Variants in CDCA7L observed in about 807,000 individuals in gnomAD.
The protein encoded by CDCA7L is cell division cycle-associated 7-like protein.
CDCA7L carries 44 observed loss-of-function variants against 57.4 expected under a neutral mutation model. The ratio of observed to expected loss-of-function variants is 0.77; its 90% CI spans 0.60 to 0.98. The LOEUF is 0.98. Ranked by LOEUF, CDCA7L falls within the 50% of genes least tolerant of loss-of-function variation. The probability of loss-of-function intolerance (pLI) is 0.00; values close to 1 mark genes in which losing one functional copy is unlikely to be tolerated. For synonymous variants in CDCA7L, 236 were observed against 202.8 expected, an observed-to-expected ratio of 1.16 and a Z score of -1.39; for missense variants, 644 against 580.6, an observed-to-expected ratio of 1.11 and a Z score of -1.12.
At position 21,911,559 on chromosome 7, in the gene CDCA7L, T is replaced by C. The variant is rs1041974819; in HGVS notation, c.303+58A>G. On this transcript the variant is annotated intron_variant, in intron 3 of 9. Transcript: ENST00000406877. ...AAGTGACTGCTTACAAGTAAAACTC[T>C]TTCAGAAACAGGATTAAAAACGTTA... 8.4e-5 allele frequency: 130 copies of C among 1,541,720 alleles called. No individual in the cohort carries two copies. The East Asian group carries it at 3.0e-3, about 35-fold the overall frequency.
chr7:21,925,804 T>C (rs1039360780), intron 1 of CDCA7L, among the ~76,000 whole-genome samples: 1 of 152,134 alleles, frequency 6.6e-6, no homozygotes, highest in Admixed American at 6.5e-5. Flanking sequence ...GGAGGATTGA[T>C]TGAGCCCAGG....
At position 21,945,896 on chromosome 7, in the gene CDCA7L, G is replaced by C. The variant is rs1044222050; in HGVS notation, c.-92C>G. 2.1e-5 allele frequency: 30 copies of C among 1,402,010 alleles called. No homozygotes were observed. Among genetic ancestry groups the C allele is most frequent in the African/African-American group, 2.1e-4 (14 of 66,268 alleles). The allele number at this position is 1,402,010 out of a possible 1,614,324, so 86.8% of individuals were successfully genotyped here. On this transcript the variant is annotated 5_prime_UTR_variant, in exon 1 of 10. Coordinates refer to ENST00000406877, the MANE Select transcript of CDCA7L (RefSeq NM_018719.5). ...GGCGCACCAAGAACGCCCCGCGCCC[G>C]AGCAGCTAGCGCGCTCCGCCCGGAG...
intron 3 of CDCA7L, among the ~76,000 whole-genome samples, chr7:21,910,910 A>T (rs1312475089): frequency 6.6e-6 from 1 of 152,058 alleles, no homozygotes. Context: ...TTCAAACCAA[A>T]AACTGTCACT....
chr7:21,902,435 TAAGAGTACA>T, intron 9 of CDCA7L, 83 bp from the exon 10 acceptor site: 1 of 1,352,156 alleles, frequency 7.4e-7, no homozygotes. Context: ...CACAATCATC[TAAGAGTACA>T]AAGCCAGAAC....
At chr7:21,936,717 G>T (rs375219022) in intron 1 of CDCA7L, among the ~76,000 whole-genome samples, 4 of 152,062 alleles carry the variant, frequency 2.6e-5, no homozygotes, top group Non-Finnish European at 5.9e-5. Flanking sequence ...ACTCAATGAT[G>T]AATGGAAGAT....
intron 1 of CDCA7L, among the ~76,000 whole-genome samples, chr7:21,919,074 T>G (rs1236883708): frequency 6.6e-6 from 1 of 152,098 alleles, no homozygotes; most frequent in South Asian, 2.1e-4. Context: ...CACCTCAGCC[T>G]CCCAAAGTGC....
chr7:21,911,006 A>ATTTTTTTTTTTTT (rs557286550), intron 3 of CDCA7L, among the ~76,000 whole-genome samples: 3 of 82,534 alleles, frequency 3.6e-5, no homozygotes, highest in Admixed American at 1.6e-4. Context: ...TCTTGAGATA[A>ATTTTTTTTTTTTT]TTTTTTTTTT....
chr7:21,927,927 GGA>G (rs1157066122), intron 1 of CDCA7L, among the ~76,000 whole-genome samples: 1 of 152,228 alleles, frequency 6.6e-6, no homozygotes, highest in Non-Finnish European at 1.5e-5. Flanking sequence ...CAGCTCTAAA[GGA>G]GCAGCAGATC....
chr7:21,906,623 G>A lies in CDCA7L; in HGVS notation c.698C>T (p.Ala233Val), dbSNP rs369952841. 1.2e-6 allele frequency: 2 copies of A among 1,613,896 alleles called. No homozygotes were observed. The highest frequency in any genetic ancestry group is 1.1e-5 in the South Asian group (1 of 91,056). ...ENKAMLAQLL[A>V]ELNSMPDFFP... ...GAAATCTGGCATCGAGTTCAATTCC[G>A]CCAATAACTGGGCAAGCTGAAGTTC... The change falls in exon 5 of 10, where the codon GCG (alanine) becomes GTG (valine). Residue 233 changes from alanine (A) to valine (V), a missense_variant. Coordinates refer to ENST00000406877, the MANE Select transcript of CDCA7L (RefSeq NM_018719.5).
chr7:21,934,555 G>C (rs1020246197), intron 1 of CDCA7L, among the ~76,000 whole-genome samples: 6 of 152,126 alleles, frequency 3.9e-5, no homozygotes, highest in Admixed American at 3.9e-4. Context: ...TAAATCACAA[G>C]ATTAAGTAAT....
chr7:21,904,348 T>C (rs1052193292), intron 7 of CDCA7L, 89 bp from the exon 8 acceptor site: 3 of 1,276,372 alleles, frequency 2.4e-6, no homozygotes, highest in African/African-American at 3.0e-5. Context: ...TCCAAGTATA[T>C]GAAGAAATAC....
rs777536863 is a variant in CDCA7L, at chr7:21,906,329, G to A, written c.881C>T (p.Ala294Val). The A allele has an allele frequency of 1.5e-5, 24 of 1,608,188 alleles. 1 individual carries two copies. Among genetic ancestry groups the A allele is most frequent in the Admixed American group, 1.0e-4 (6 of 58,304 alleles). ...ENFTVSAAKFAEEFYSFRRRK... is the reference protein window; with the variant it reads ...ENFTVSAAKFVEEFYSFRRRK... ...TCTTCGGAAGCTGTAAAACTCTTCC[G>A]CAAATTTAGCGGCTGAGACAGTGAA... The change falls in exon 6 of 10, where the codon GCG becomes GTG. Residue 294 changes from alanine (A) to valine (V), a missense_variant. Ala to Val is a moderately conservative substitution (Grantham distance 64, BLOSUM62 0). Transcript: ENST00000406877.
chr7:21,934,792 A>C (rs1243337130), intron 1 of CDCA7L, among the ~76,000 whole-genome samples: 2 of 152,212 alleles, frequency 1.3e-5, no homozygotes, highest in Non-Finnish European at 2.9e-5. Context: ...TATGAGACAA[A>C]ATAGTCAAAA....
At position 21,908,505 on chromosome 7, in the gene CDCA7L, G is replaced by T. The variant is rs554719860; in HGVS notation, c.306C>A (p.Val102=). 3.3e-6 allele frequency: 5 copies of T among 1,514,278 alleles called. No individual in the cohort carries two copies. The African/African-American group carries it at 7.0e-5, about 21-fold the overall frequency. The allele number at this position is 1,514,278 out of a possible 1,614,324, so 93.8% of individuals were successfully genotyped here. Residue 102 remains valine, a splice_region_variant and synonymous_variant, in exon 4 of 10, where the codon GTC becomes GTA. Transcript: ENST00000406877. The stretch of plus-strand genomic sequence containing the variant: ...CATCATCACTCAAATCTGACTCCAC[G>T]ACCTAATAAAATAAGAGCAAGAAAA... ...LNGKTNPEVM[V]VESDLSDDGK... is the part of the protein sequence containing the mutation.
Position 21,900,974 on chromosome 7 carries a change from C to A in CDCA7L, c.*1348G>T. 2 of 1,533,692 alleles carry A rather than the reference C, an allele frequency of 1.3e-6. No individual in the cohort carries two copies. Among genetic ancestry groups the A allele is most frequent in the Non-Finnish European group, 1.8e-6 (2 of 1,141,134 alleles). On this transcript the variant is annotated 3_prime_UTR_variant, in exon 10 of 10. Transcript: ENST00000406877. ...ATCATTATCATTAGTAGCAAGCTGC[C>A]ACACAATTGCAACCGCTGTGTTTTT...
chr7:21,902,377 G>GGTAAAGTA, intron 9 of CDCA7L, 25 bp from the exon 10 acceptor site: 2 of 1,610,210 alleles, frequency 1.2e-6, no homozygotes, highest in Non-Finnish European at 1.7e-6. Context: ...AGAAGTATTT[G>GGTAAAGTA]GTAAAGTAGT....
rs369949371 is a variant in CDCA7L at position 21,906,358 on chromosome 7, C to T, written c.852G>A (p.Glu284=). Reference sequence around the variant, plus strand: ...ATTTAGCGGCTGAGACAGTGAAGTTCTCTAGAGCAAACTTCTCAGGAGGCC... The same window carrying T: ...ATTTAGCGGCTGAGACAGTGAAGTTTTCTAGAGCAAACTTCTCAGGAGGCC... ...SARPPEKFAL[E]NFTVSAAKFA... The change falls in exon 6 of 10, where the codon GAG becomes GAA. Residue 284 remains glutamate, a synonymous_variant. Transcript: ENST00000406877. The T allele has an allele frequency of 4.3e-6, 7 of 1,613,634 alleles. No individual in the cohort carries two copies. The African/African-American group carries it at 8.0e-5, about 18-fold the overall frequency.
At chr7:21,904,851 G>C (rs542364752) in intron 7 of CDCA7L, among the ~76,000 whole-genome samples, 1 of 152,182 alleles carries the variant, frequency 6.6e-6, no homozygotes, top group African/African-American at 2.4e-5. Context: ...TGATCAGGCT[G>C]TCAGGAAGAG....
Position 21,902,235 on chromosome 7 carries a change from G to A in CDCA7L, c.*87C>T, listed in dbSNP as rs1583833971. 4 of 1,142,812 alleles carry A rather than the reference G, an allele frequency of 3.5e-6. No individual in the cohort carries two copies. Among genetic ancestry groups the A allele is most frequent in the East Asian group, 2.5e-5 (1 of 40,586 alleles). The allele number at this position is 1,142,812 out of a possible 1,614,324, so 70.8% of individuals were successfully genotyped here. On this transcript the variant is annotated 3_prime_UTR_variant, in exon 10 of 10. Transcript: ENST00000406877. Reference sequence around the variant, plus strand: ...AGAATTTCTGTATAAAAACACAACTGTAAAAAAATCTTTCTTAGGCACCAA... The same window carrying A: ...AGAATTTCTGTATAAAAACACAACTATAAAAAAATCTTTCTTAGGCACCAA...
Sources: allele counts gnomAD v4.1 joint callset (sites outside exome capture counted in the v4.1 genomes callset), GRCh38; gene constraint gnomAD v4.1.1; transcripts MANE v1.5; gene names NCBI Gene and HGNC (gene_info 2026-07-23, HGNC 2026-07-21).